Variants in PIBF1 observed in about 807,000 individuals in gnomAD.
PIBF1 encodes the protein progesterone immunomodulatory binding factor 1.
A neutral mutation model predicts 112.5 loss-of-function variants in PIBF1; 90 were observed. That is an observed-to-expected ratio of 0.80 (90% CI 0.67 to 0.95). The LOEUF (loss-of-function observed/expected upper bound fraction) is 0.95. PIBF1 is among the 40% of genes least tolerant of loss of function. PIBF1 has a pLI of 0.00. For missense variants in PIBF1, 915 were observed against 852.3 expected, an observed-to-expected ratio of 1.07 and a Z score of -0.92; for synonymous variants, 301 against 288.6, an observed-to-expected ratio of 1.04 and a Z score of -0.44.
chr13:73,008,520 A>C (rs76377834), intron 17 of PIBF1, among the ~76,000 whole-genome samples: 1 of 152,210 alleles, frequency 6.6e-6, no homozygotes, highest in Non-Finnish European at 1.5e-5. Context: ...TCATTCATTG[A>C]AAAATGTTTA....
intron 14 of PIBF1, 44 bp from the exon 15 acceptor site, chr13:72,965,227 TTTG>T (rs1185331220): frequency 1.3e-6 from 2 of 1,553,262 alleles, no homozygotes; most frequent in African/African-American, 1.4e-5. Context: ...ATGATTTTAT[TTTG>T]TTGTCACATT....
intron 9 of PIBF1, among the ~76,000 whole-genome samples, chr13:72,847,468 G>A (rs1293588489): frequency 6.6e-6 from 1 of 152,178 alleles, no homozygotes; most frequent in Non-Finnish European, 1.5e-5. Flanking sequence ...GAGCAAGGGG[G>A]AGCCAAACTC....
At chr13:72,792,830 AC>A (rs999232669) in intron 3 of PIBF1, among the ~76,000 whole-genome samples, 2 of 152,202 alleles carry the variant, frequency 1.3e-5, no homozygotes, top group African/African-American at 2.4e-5. Flanking sequence ...TTCTTCTTTT[AC>A]GCAACATATT....
intron 5 of PIBF1, among the ~76,000 whole-genome samples, chr13:72,805,423 T>A (rs1044435014): frequency 2.0e-5 from 3 of 152,224 alleles, no homozygotes; most frequent in African/African-American, 7.2e-5. Flanking sequence ...ATTACAGGTA[T>A]GAGCCACCAC....
At chr13:72,927,266 G>A (rs1462522433) in intron 13 of PIBF1, among the ~76,000 whole-genome samples, 1 of 152,124 alleles carries the variant, frequency 6.6e-6, no homozygotes, top group Non-Finnish European at 1.5e-5. Context: ...AGCACTATGG[G>A]AGGCCGAGGT....
chr13:72,880,165 C>G (rs893980119), intron 10 of PIBF1, among the ~76,000 whole-genome samples: 17 of 152,130 alleles, frequency 1.1e-4, no homozygotes, highest in African/African-American at 4.1e-4. Context: ...ATCTCTTTAG[C>G]AGGGTAGGAA....
chr13:72,939,903 T>C (rs528295962), intron 14 of PIBF1, among the ~76,000 whole-genome samples: 2 of 152,220 alleles, frequency 1.3e-5, no homozygotes, highest in South Asian at 4.1e-4. Context: ...TGCCAAGATA[T>C]TGCCGTCATC....
At chr13:72,913,769 A>G (rs1488879746) in intron 12 of PIBF1, among the ~76,000 whole-genome samples, 1 of 152,146 alleles carries the variant, frequency 6.6e-6, no homozygotes, top group Non-Finnish European at 1.5e-5. Flanking sequence ...CTCAAAAAAA[A>G]AAAAAATTGC....
intron 10 of PIBF1, among the ~76,000 whole-genome samples, chr13:72,886,161 A>G (rs1288955864): frequency 1.3e-5 from 2 of 152,074 alleles, no homozygotes. Context: ...AATACTTTAC[A>G]CTATTCTTCA....
At chr13:72,955,373 TTG>T (rs150485983) in intron 14 of PIBF1, among the ~76,000 whole-genome samples, 2,074 of 146,810 alleles carry the variant, frequency 0.014, 10 homozygotes, top group Middle Eastern at 0.043. Flanking sequence ...ATGTGTGTGT[TTG>T]TGTGTGTGTG....
At chr13:72,927,822 T>C (rs180900202) in intron 13 of PIBF1, among the ~76,000 whole-genome samples, 1 of 150,444 alleles carries the variant, frequency 6.6e-6, no homozygotes, top group African/African-American at 2.4e-5. Flanking sequence ...GTATAATCTT[T>C]TAATGAAAGA....
At chr13:72,976,891 G>A (rs116655605) in intron 16 of PIBF1, among the ~76,000 whole-genome samples, 8 of 152,024 alleles carry the variant, frequency 5.3e-5, no homozygotes, top group Admixed American at 5.2e-4. Flanking sequence ...AATCAGGGCT[G>A]GGACTAGGGT....
In PIBF1 at chr13:72,835,429, A is replaced by G. The variant is rs1274911599; in HGVS notation, c.1223+61A>G. The G allele has an allele frequency of 4.6e-6, 6 of 1,304,620 alleles. No homozygotes were observed. In the African/African-American group the frequency reaches 7.6e-5, roughly 17 times the overall value. The allele number at this position is 1,304,620 out of a possible 1,614,324, so 80.8% of individuals were successfully genotyped here. On this transcript the variant is annotated intron_variant, in intron 9 of 17. Coordinates refer to ENST00000326291, the MANE Select transcript of PIBF1 (RefSeq NM_006346.4). ...TATCTTTGGAGGTTTTAGAAGCTTT[A>G]TTGAAATTAAATGCTATTTATTATA...
chr13:72,784,877 T>TTTG (rs907150536), intron 2 of PIBF1, among the ~76,000 whole-genome samples: 3 of 152,160 alleles, frequency 2.0e-5, no homozygotes, highest in Non-Finnish European at 4.4e-5. Flanking sequence ...TTTGTTGTTT[T>TTTG]TTGTTGTTGT....
intron 14 of PIBF1, among the ~76,000 whole-genome samples, chr13:72,943,755 A>G (rs2042073961): frequency 6.6e-6 from 1 of 152,130 alleles, no homozygotes; most frequent in Non-Finnish European, 1.5e-5. Flanking sequence ...TTATGTCTTA[A>G]GTGTTGACAT....
chr13:72,954,731 C>T (rs904556680), intron 14 of PIBF1, among the ~76,000 whole-genome samples: 7 of 152,218 alleles, frequency 4.6e-5, no homozygotes, highest in Admixed American at 3.3e-4. Flanking sequence ...ATCTGGTTCA[C>T]AGTGTAGGCT....
At chr13:72,959,734 G>A (rs996283877) in intron 14 of PIBF1, among the ~76,000 whole-genome samples, 2 of 152,136 alleles carry the variant, frequency 1.3e-5, no homozygotes, top group African/African-American at 4.8e-5. Context: ...AAGATATAAT[G>A]ATGTTTTAAT....
intron 13 of PIBF1, among the ~76,000 whole-genome samples, chr13:72,929,676 T>TA (rs34082088): frequency 3.3e-5 from 5 of 151,034 alleles, no homozygotes; most frequent in African/African-American, 7.3e-5. Flanking sequence ...CAGTAAAGTT[T>TA]AAAAAAAAAG....
intron 2 of PIBF1, among the ~76,000 whole-genome samples, chr13:72,787,224 C>T (rs2034648267): frequency 6.6e-6 from 1 of 152,046 alleles, no homozygotes; most frequent in Non-Finnish European, 1.5e-5. Context: ...TGGTATGTGA[C>T]ATATTTCTTT....
Sources: allele counts gnomAD v4.1 joint callset (sites outside exome capture counted in the v4.1 genomes callset), GRCh38; gene constraint gnomAD v4.1.1; transcripts MANE v1.5; gene names NCBI Gene and HGNC (gene_info 2026-07-23, HGNC 2026-07-21).